Variants in GRM3 observed in about 807,000 individuals in gnomAD.
GRM3 encodes metabotropic glutamate receptor 3.
A neutral mutation model predicts 70.5 loss-of-function variants in GRM3; 26 were observed. The ratio of observed to expected loss-of-function variants is 0.37; its 90% confidence interval spans 0.27 to 0.51. The LOEUF (loss-of-function observed/expected upper bound fraction) is 0.51, where lower values mean the gene tolerates loss of function less well. GRM3 is among the 20% of genes least tolerant of loss of function. The probability of loss-of-function intolerance (pLI) is 0.93; values close to 1 mark genes in which losing one functional copy is unlikely to be tolerated. For synonymous variants in GRM3, 443 were observed against 434.9 expected (o/e 1.02, Z -0.23); for missense variants, 859 against 1,123.8 (o/e 0.76, Z 3.37).
In GRM3 at chr7:86,765,626, A is replaced by G. The variant is rs1253373263; in HGVS notation, c.468+13A>G. 6.2e-7 allele frequency: 1 copy of G among 1,602,888 alleles called. No homozygotes were observed. Among genetic ancestry groups the G allele is most frequent in the Non-Finnish European group, 8.5e-7 (1 of 1,171,584 alleles). ...TGTTTCCATACAGGTAAGATTGGCT[A>G]ATGCTATTGCTAAAAGGCTGTATCT... On this transcript the variant is annotated intron_variant, in intron 2 of 5. Coordinates refer to ENST00000361669, the MANE Select transcript of GRM3 (RefSeq NM_000840.3).
chr7:86,717,950 A>T (rs1452312912), intron 1 of GRM3, among the ~76,000 whole-genome samples: 2 of 151,606 alleles, frequency 1.3e-5, no homozygotes, highest in East Asian at 3.9e-4. Flanking sequence ...AGCTTTAAAA[A>T]AAAAATGCCT....
intron 2 of GRM3, among the ~76,000 whole-genome samples, chr7:86,770,240 T>A (rs901709498): frequency 6.6e-6 from 1 of 152,146 alleles, no homozygotes; most frequent in African/African-American, 2.4e-5. Flanking sequence ...GTTTTGTCCC[T>A]GAGTGTTAAA....
chr7:86,830,910 A>G (rs1255643259), intron 3 of GRM3, among the ~76,000 whole-genome samples: 1 of 152,208 alleles, frequency 6.6e-6, no homozygotes, highest in East Asian at 1.9e-4. Flanking sequence ...CAGAGACACA[A>G]GGAGAACACT....
chr7:86,711,110 A>G lies in GRM3; in HGVS notation c.-140-53896A>G, dbSNP rs189846824. On this transcript the variant is annotated intron_variant, in intron 1 of 5. Transcript: ENST00000361669. ...TTTCCTCATCTATAAAGTAGGGACC[A>G]TAATAAAATATATTTCTTGTAGTAG... Among the ~76,000 whole-genome samples, 6 of 152,168 alleles carry G rather than the reference A, an allele frequency of 3.9e-5. No individual in the cohort carries two copies. In the South Asian group the frequency reaches 8.3e-4, roughly 21 times the overall value.
chr7:86,675,002 A>T (rs1289918776), intron 1 of GRM3, among the ~76,000 whole-genome samples: 1 of 152,060 alleles, frequency 6.6e-6, no homozygotes, highest in Non-Finnish European at 1.5e-5. Context: ...ATATCTGTAA[A>T]ATAACTTTTC....
chr7:86,692,331 C>A (rs1388697790), intron 1 of GRM3, among the ~76,000 whole-genome samples: 1 of 152,144 alleles, frequency 6.6e-6, no homozygotes, highest in East Asian at 1.9e-4. Flanking sequence ...CATAATCTGG[C>A]CCTTAACCAT....
chr7:86,816,872 A>G (rs918130971), intron 3 of GRM3, among the ~76,000 whole-genome samples: 6 of 151,954 alleles, frequency 3.9e-5, no homozygotes, highest in Non-Finnish European at 7.4e-5. Flanking sequence ...TGAATTAGAG[A>G]TAAGTGTGGG....
At chr7:86,814,983 G>A (rs1365483152) in intron 3 of GRM3, among the ~76,000 whole-genome samples, 1 of 151,480 alleles carries the variant, frequency 6.6e-6, no homozygotes, top group Non-Finnish European at 1.5e-5. Context: ...TCATATTATG[G>A]ACTATTAATT....
chr7:86,708,913 A>G (rs567563822), intron 1 of GRM3, among the ~76,000 whole-genome samples: 1 of 150,022 alleles, frequency 6.7e-6, no homozygotes, highest in South Asian at 2.2e-4. Context: ...ACAATCAGCT[A>G]AGTAGCTCGA....
intron 5 of GRM3, among the ~76,000 whole-genome samples, chr7:86,854,850 G>C (rs60438843): frequency 0.12 from 18,642 of 152,214 alleles, 1,476 homozygotes; most frequent in African/African-American, 0.23. Context: ...GGGTTTCAGA[G>C]AGGGAGTGAC....
intron 1 of GRM3, among the ~76,000 whole-genome samples, chr7:86,761,232 G>T (rs1796472749): frequency 6.6e-6 from 1 of 152,098 alleles, no homozygotes; most frequent in Non-Finnish European, 1.5e-5. Context: ...TTTCATAAGT[G>T]AATGTGTCTC....
At chr7:86,676,085 A>G (rs1015390709) in intron 1 of GRM3, among the ~76,000 whole-genome samples, 1 of 151,940 alleles carries the variant, frequency 6.6e-6, no homozygotes, top group Non-Finnish European at 1.5e-5. Flanking sequence ...AAAACCAAAA[A>G]TACCTTAAAG....
At chr7:86,806,685 T>C (rs1327735400) in intron 3 of GRM3, among the ~76,000 whole-genome samples, 1 of 152,312 alleles carries the variant, frequency 6.6e-6, no homozygotes, top group Admixed American at 6.5e-5. Flanking sequence ...TTTTCTCCCA[T>C]TCTGTAGGTT....
At position 86,646,006 on chromosome 7, in the gene GRM3, TGGG is replaced by T. The variant is rs1383756914; in HGVS notation, c.-141+1141_-141+1143del. Reference sequence around the variant, plus strand: ...GGGCGGGGGGGTGGGGGTGGGGGGGTGGGGGGGGGTGGGAGGGAGTTTAGGGGG... The same window carrying T: ...GGGCGGGGGGGTGGGGGTGGGGGGGTGGGGGGTGGGAGGGAGTTTAGGGGG... On this transcript the variant is annotated intron_variant, in intron 1 of 5. Transcript: ENST00000361669. 3.8e-4 allele frequency among the ~76,000 whole-genome samples: 4 copies of T among 10,632 alleles called. 1 individual carries two copies. The highest frequency in any genetic ancestry group is 6.5e-4 in the Non-Finnish European group (4 of 6,122). 7.0% of individuals were successfully genotyped at this position (10,632 alleles called of 152,430 possible).
intron 2 of GRM3, chr7:86,775,077 C>T (rs1207991819): frequency 6.6e-6 from 1 of 151,986 alleles, no homozygotes; most frequent in Non-Finnish European, 1.5e-5. Flanking sequence ...TGCAGATAAT[C>T]CAGAAAATTT....
chr7:86,677,273 T>TA (rs1370475543), intron 1 of GRM3, among the ~76,000 whole-genome samples: 9 of 151,950 alleles, frequency 5.9e-5, no homozygotes, highest in African/African-American at 1.9e-4. Context: ...GACACCTTTT[T>TA]AAAAAAATGT....
rs747208097 is a variant in GRM3 at position 86,786,152 on chromosome 7, A to G, written c.469-109A>G. 1.1e-6 allele frequency: 1 copy of G among 885,412 alleles called. No homozygotes were observed. The highest frequency in any genetic ancestry group is 1.8e-6 in the Non-Finnish European group (1 of 564,934). 54.8% of individuals were successfully genotyped at this position (885,412 alleles called of 1,614,324 possible). On this transcript the variant is annotated intron_variant, in intron 2 of 5. Transcript: ENST00000361669. This position sits in a 1 kb window ranked among gnomAD's most constrained non-coding sequence, Gnocchi z 6.0. ...CTAACAGAAAAATGTAGCCATCTAGAGTAGAGGGAAAAGGGAGTCAGTAAA... is the reference window on the plus strand; with the variant it reads ...CTAACAGAAAAATGTAGCCATCTAGGGTAGAGGGAAAAGGGAGTCAGTAAA...
At chr7:86,787,731 A>C (rs1419959094) in intron 3 of GRM3, among the ~76,000 whole-genome samples, 1 of 152,242 alleles carries the variant, frequency 6.6e-6, no homozygotes, top group African/African-American at 2.4e-5. Flanking sequence ...TATGAAATGA[A>C]ACTCTTTTTC....
At chr7:86,835,936 T>C (rs901653478) in intron 3 of GRM3, among the ~76,000 whole-genome samples, 1 of 152,018 alleles carries the variant, frequency 6.6e-6, no homozygotes, top group African/African-American at 2.4e-5. Flanking sequence ...TAAAAACATA[T>C]AAACATCCCA....
Sources: allele counts gnomAD v4.1 joint callset (sites outside exome capture counted in the v4.1 genomes callset), GRCh38; gene constraint gnomAD v4.1.1; non-coding constraint Gnocchi (gnomAD v3.1); transcripts MANE v1.5; gene names NCBI Gene and HGNC (gene_info 2026-07-23, HGNC 2026-07-21).